Variants in ATP2A2 observed in about 807,000 individuals in gnomAD.
ATP2A2 encodes the protein sarcoplasmic/endoplasmic reticulum calcium ATPase 2.
In ATP2A2, 14 loss-of-function variants were observed where a neutral mutation model predicts 109.3. The observed-to-expected ratio is 0.13, with a 90% CI of 0.08 to 0.20. ATP2A2 has a LOEUF of 0.20. Ranked by LOEUF, ATP2A2 falls within the 10% of genes least tolerant of loss-of-function variation. The pLI is 1.00. For synonymous variants in ATP2A2, 506 were observed against 490.9 expected (o/e 1.03, Z -0.41); for missense variants, 657 against 1,321.6 (o/e 0.50, Z 7.80).
At chr12:110,288,894 C>A (rs909689464) in intron 3 of ATP2A2, among the ~76,000 whole-genome samples, 2 of 152,168 alleles carry the variant, frequency 1.3e-5, no homozygotes, top group African/African-American at 4.8e-5. Context: ...TTTTCCTCCC[C>A]TTTCTCTTAC....
At chr12:110,321,416 A>G (rs1311859802) in intron 5 of ATP2A2, among the ~76,000 whole-genome samples, 1 of 152,170 alleles carries the variant, frequency 6.6e-6, no homozygotes, top group Non-Finnish European at 1.5e-5. Flanking sequence ...GCCCTTTCGT[A>G]AGACTTACAA....
chr12:110,282,672 G>C, intron 2 of ATP2A2, 41 bp from the exon 3 acceptor site: 1 of 1,613,350 alleles, frequency 6.2e-7, no homozygotes, highest in Non-Finnish European at 8.5e-7. Flanking sequence ...GTGTGCTGAT[G>C]GTAAGATGAC....
chr12:110,298,808 A>C (rs1289816218), intron 5 of ATP2A2, among the ~76,000 whole-genome samples: 2 of 152,214 alleles, frequency 1.3e-5, no homozygotes, highest in African/African-American at 4.8e-5. Flanking sequence ...TTTTGTATGA[A>C]CTGTTGAAGG....
chr12:110,284,606 T>C (rs779375943), intron 3 of ATP2A2, among the ~76,000 whole-genome samples: 1 of 152,170 alleles, frequency 6.6e-6, no homozygotes, highest in Non-Finnish European at 1.5e-5. Context: ...TAGAGGCTTA[T>C]AGTTTGTAAG....
At chr12:110,313,213 T>C (rs185705760) in intron 5 of ATP2A2, among the ~76,000 whole-genome samples, 269 of 151,712 alleles carry the variant, frequency 1.8e-3, no homozygotes, top group African/African-American at 6.4e-3. Flanking sequence ...TCAGTGGTAG[T>C]CACAGTACCA....
intron 5 of ATP2A2, among the ~76,000 whole-genome samples, chr12:110,300,641 G>A (rs985905945): frequency 1.4e-5 from 2 of 143,296 alleles, no homozygotes; most frequent in Non-Finnish European, 3.0e-5. Context: ...ACCATGCCCG[G>A]CCTTTTTTTT....
rs1463601559 is a variant in ATP2A2 at position 110,349,078 on chromosome 12, T to C, written c.*2608T>C. On this transcript the variant is annotated 3_prime_UTR_variant, in exon 20 of 20. Transcript: ENST00000539276. ...CCCCTCCAGCCCACAGAGGAGCCCA[T>C]GGAGGGACCCACTTCCCTTGGTCCA... 1 of 985,366 alleles carries C rather than the reference T, an allele frequency of 1.0e-6. No homozygotes were observed. Among genetic ancestry groups the C allele is most frequent in the Non-Finnish European group, 1.2e-6 (1 of 829,988 alleles). The allele number at this position is 985,366 out of a possible 1,614,324, so 61.0% of individuals were successfully genotyped here. A position where few individuals can be genotyped will look rare whatever the true frequency, so the allele number is the denominator to read the frequency against.
chr12:110,346,539 CTA>C lies in ATP2A2; in HGVS notation c.*71_*72del. Reference sequence around the variant, plus strand: ...TTTTTTTATTGTTTAAAGCAACTGTCTATTTCTGCTGAATTTTCACATGAACA... The same window carrying C: ...TTTTTTTATTGTTTAAAGCAACTGTCTTTCTGCTGAATTTTCACATGAACA... On this transcript the variant is annotated 3_prime_UTR_variant, in exon 20 of 20. Coordinates refer to ENST00000539276, the MANE Select transcript of ATP2A2 (RefSeq NM_170665.4). 2 of 1,591,140 alleles carry C rather than the reference CTA, an allele frequency of 1.3e-6. No homozygotes were observed. The highest frequency in any genetic ancestry group is 1.7e-6 in the Non-Finnish European group (2 of 1,170,732).
At chr12:110,288,773 A>C (rs1035238512) in intron 3 of ATP2A2, among the ~76,000 whole-genome samples, 1 of 152,184 alleles carries the variant, frequency 6.6e-6, no homozygotes, top group Non-Finnish European at 1.5e-5. Context: ...AGTTCCTTGT[A>C]TAAGTATACT....
chr12:110,310,347 A>G (rs1875889280), intron 5 of ATP2A2, among the ~76,000 whole-genome samples: 1 of 151,858 alleles, frequency 6.6e-6, no homozygotes, highest in Admixed American at 6.6e-5. Flanking sequence ...CCTAGTCTCA[A>G]ACTCCTGGGC....
rs1220927319 is a variant in ATP2A2, at chr12:110,332,584, T to C, written c.1096-13T>C. 6.9e-6 allele frequency: 11 copies of C among 1,597,982 alleles called. No homozygotes were observed. Among genetic ancestry groups the C allele is most frequent in the Non-Finnish European group, 9.4e-6 (11 of 1,165,294 alleles). On this transcript the variant is annotated splice_polypyrimidine_tract_variant and intron_variant, in intron 8 of 19. Coordinates refer to ENST00000539276, the MANE Select transcript of ATP2A2 (RefSeq NM_170665.4). ...ATCCCTTTTAAATACTCTGATGCGCTCTCCCCCTACAGATGTTCATTCTGG... is the reference window on the plus strand; with the variant it reads ...ATCCCTTTTAAATACTCTGATGCGCCCTCCCCCTACAGATGTTCATTCTGG...
chr12:110,326,335 A>G (rs1204533175), intron 6 of ATP2A2, 55 bp from the exon 7 acceptor site: 3 of 1,497,334 alleles, frequency 2.0e-6, no homozygotes, highest in East Asian at 2.3e-5. Flanking sequence ...GAGAGGTTCT[A>G]GGTTCTTGGT....
chr12:110,292,109 T>G lies in ATP2A2; in HGVS notation c.309T>G (p.Ile103Met), dbSNP rs766590891. The change falls in exon 4 of 20, where the codon ATT becomes ATG. Residue 103 changes from isoleucine to methionine, a missense_variant. Ile to Met is a conservative substitution (Grantham distance 10). Transcript: ENST00000539276. ...VILLILVANA[I>M]VGVWQERNAE... The stretch of plus-strand genomic sequence containing the variant: ...TACTCATATTAGTAGCCAATGCAAT[T>G]GTGGGTGTATGGCAGGTAAGCAAAA... 6.2e-7 allele frequency: 1 copy of G among 1,614,012 alleles called. No homozygotes were observed. The highest frequency in any genetic ancestry group is 1.1e-5 in the South Asian group (1 of 91,086).
chr12:110,310,720 A>G lies in ATP2A2; in HGVS notation c.464-12272A>G, dbSNP rs190623872. ...GATAATTTTATTTCCTAAAATGAAG[A>G]CTTAATAGCCAACAGGGTGCCAGCA... On this transcript the variant is annotated intron_variant, in intron 5 of 19. Coordinates refer to ENST00000539276, the MANE Select transcript of ATP2A2 (RefSeq NM_170665.4). 4.7e-4 allele frequency among the ~76,000 whole-genome samples: 72 copies of G among 152,332 alleles called. 1 individual carries two copies. In the East Asian group the frequency reaches 0.014, roughly 29 times the overall value.
At chr12:110,300,138 C>CCTCCCCTCCCCTCCT (rs1874428717) in intron 5 of ATP2A2, among the ~76,000 whole-genome samples, 1 of 143,986 alleles carries the variant, frequency 6.9e-6, no homozygotes. Flanking sequence ...CCTCCCCTCC[C>CCTCCCCTCCCCTCCT]CTCCCCTCCT....
rs192317957 is a variant in ATP2A2, at chr12:110,311,828, A to G, written c.464-11164A>G. On this transcript the variant is annotated intron_variant, in intron 5 of 19. Coordinates refer to ENST00000539276, the MANE Select transcript of ATP2A2 (RefSeq NM_170665.4). ...CATGGCAGGAGGATCACTTGAGCCC[A>G]GGAGTTTGAGACCAGCCTGGGCAAC... is the stretch of plus-strand genomic sequence containing the variant. Among the ~76,000 whole-genome samples, 881 of 151,854 alleles carry G rather than the reference A, an allele frequency of 5.8e-3. 9 individuals are homozygous for G. The highest frequency in any genetic ancestry group is 0.02 in the African/African-American group (832 of 41,430).
At chr12:110,324,628 G>T (rs372728155) in intron 6 of ATP2A2, among the ~76,000 whole-genome samples, 5 of 151,928 alleles carry the variant, frequency 3.3e-5, no homozygotes, top group East Asian at 3.9e-4. Flanking sequence ...CACTGTGTTG[G>T]TCAGGCTGGT....
intron 6 of ATP2A2, among the ~76,000 whole-genome samples, chr12:110,324,333 C>A (rs1260994531): frequency 6.6e-6 from 1 of 151,978 alleles, no homozygotes; most frequent in Non-Finnish European, 1.5e-5. Flanking sequence ...AAGCTGGAGG[C>A]CAATTAAGCC....
chr12:110,344,800 G>T, intron 16 of ATP2A2, 86 bp from the exon 17 acceptor site: 1 of 1,318,552 alleles, frequency 7.6e-7, no homozygotes, highest in Non-Finnish European at 1.1e-6. Flanking sequence ...TTTGATCTTC[G>T]TCCTTGTGGG....
Sources: gnomAD v4.1 joint callset for allele counts (sites outside exome capture counted in the v4.1 genomes callset) on GRCh38, gnomAD v4.1.1 for gene constraint, MANE v1.5 for transcripts, NCBI Gene and HGNC (gene_info 2026-07-23, HGNC 2026-07-21) for gene names.